Variants in CEP63 observed in about 807,000 individuals in gnomAD.
CEP63 encodes the protein centrosomal protein of 63 kDa.
In CEP63, 84 loss-of-function variants were observed where a neutral mutation model predicts 89.1. The observed-to-expected ratio is 0.94, with a 90% CI of 0.79 to 1.13. The LOEUF (loss-of-function observed/expected upper bound fraction) is 1.13. CEP63 is among the 50% of genes most tolerant of loss of function. The pLI is 0.00. For missense variants in CEP63, 838 were observed against 813.3 expected (o/e 1.03, Z -0.37); for synonymous variants, 267 against 272.5 (o/e 0.98, Z 0.20).
intron 3 of CEP63, among the ~76,000 whole-genome samples, chr3:134,514,162 CTG>C (rs1204723294): frequency 6.6e-6 from 1 of 151,932 alleles, no homozygotes; most frequent in Non-Finnish European, 1.5e-5. Context: ...GAATTAAAAA[CTG>C]TAAAAAAAAT....
At position 134,557,376 on chromosome 3, in the gene CEP63, GTTTTTT is replaced by G. The variant is rs199930556; in HGVS notation, c.1468-743_1468-738del. On this transcript the variant is annotated intron_variant, in intron 12 of 14. Transcript: ENST00000675561. ...CTTGACCAGCTTACTTTCATAATTT[GTTTTTT>G]TTTTTTTTTTTTTTTTTTTTTTACA... 6.6e-3 allele frequency among the ~76,000 whole-genome samples: 672 copies of G among 101,484 alleles called. 11 individuals are homozygous for G. The highest frequency in any genetic ancestry group is 0.03 in the African/African-American group (601 of 20,324). The allele number at this position is 101,484 out of a possible 152,430, so 66.6% of individuals were successfully genotyped here.
the CEP63 span, among the ~76,000 whole-genome samples, chr3:134,598,966 A>G: frequency 6.6e-6 from 1 of 152,322 alleles, no homozygotes; most frequent in East Asian, 1.9e-4. Context: ...GGCTTTCTCC[A>G]GCCCCTTGCC....
At chr3:134,648,165 T>C in the CEP63 span, among the ~76,000 whole-genome samples, 1 of 152,154 alleles carries the variant, frequency 6.6e-6, no homozygotes, top group Non-Finnish European at 1.5e-5. Flanking sequence ...TGCAATAAAA[T>C]TGAGATCCTG....
chr3:134,738,182 A>T, the CEP63 span, among the ~76,000 whole-genome samples: 2 of 151,964 alleles, frequency 1.3e-5, no homozygotes, highest in Non-Finnish European at 2.9e-5. Context: ...AATAGTCTCC[A>T]ATCTTGTCCA....
chr3:134,718,226 A>G, the CEP63 span, among the ~76,000 whole-genome samples: 1 of 152,214 alleles, frequency 6.6e-6, no homozygotes, highest in African/African-American at 2.4e-5. Context: ...GGAAGGAGAC[A>G]CATTCATTCT....
intron 1 of CEP63, among the ~76,000 whole-genome samples, chr3:134,489,401 G>A (rs1936876229): frequency 6.6e-6 from 1 of 152,090 alleles, no homozygotes; most frequent in Non-Finnish European, 1.5e-5. Flanking sequence ...TAATTTCATA[G>A]GTAATGCAGT....
chr3:134,495,817 A>C (rs922025304), intron 2 of CEP63, among the ~76,000 whole-genome samples: 1 of 152,240 alleles, frequency 6.6e-6, no homozygotes, highest in East Asian at 1.9e-4. Context: ...CATATGAATG[A>C]GAACATGAGA....
the CEP63 span, among the ~76,000 whole-genome samples, chr3:134,593,143 T>C: frequency 6.6e-6 from 1 of 152,134 alleles, no homozygotes. Flanking sequence ...AAAGACTGGG[T>C]GATTGCGTCT....
chr3:134,605,160 G>A, the CEP63 span, among the ~76,000 whole-genome samples: 6 of 151,982 alleles, frequency 3.9e-5, no homozygotes, highest in South Asian at 2.1e-4. Context: ...TTTCATCTTC[G>A]TCTGTCCTGG....
At chr3:134,707,111 A>G in the CEP63 span, among the ~76,000 whole-genome samples, 1 of 152,304 alleles carries the variant, frequency 6.6e-6, no homozygotes, top group African/African-American at 2.4e-5. Flanking sequence ...TACGGTCTCA[A>G]ATTCCACCAT....
intron 14 of CEP63, among the ~76,000 whole-genome samples, chr3:134,560,925 CA>C (rs1957240607): frequency 6.6e-6 from 1 of 152,104 alleles, no homozygotes; most frequent in African/African-American, 2.4e-5. Flanking sequence ...TCACTAGCCT[CA>C]AGGGTTTCAG....
downstream of CEP63, among the ~76,000 whole-genome samples, chr3:134,579,254 T>C (rs1424258845): frequency 6.6e-6 from 1 of 152,256 alleles, no homozygotes; most frequent in African/African-American, 2.4e-5. Context: ...TTATATGTTG[T>C]CCTTGGGGTA....
chr3:134,680,961 C>T, the CEP63 span, among the ~76,000 whole-genome samples: 1 of 152,226 alleles, frequency 6.6e-6, no homozygotes, highest in Non-Finnish European at 1.5e-5. Context: ...CCCAGAGGAG[C>T]TTTGCAGGAC....
chr3:134,537,020 A>C, intron 5 of CEP63, 135 bp from the exon 6 acceptor site: 1 of 712,754 alleles, frequency 1.4e-6, no homozygotes, highest in South Asian at 1.4e-5. Context: ...CTGAGTGAGT[A>C]ATGGGGCTCC....
In CEP63 at chr3:134,546,173, T is replaced by C. The variant is rs138175783; in HGVS notation, c.814T>C (p.Leu272=). The change falls in exon 8 of 15, where the codon TTG becomes CTG. Residue 272 remains leucine (L), a synonymous_variant. Coordinates refer to ENST00000675561, the MANE Select transcript of CEP63 (RefSeq NM_001353108.3). ...GGCTCTGCAGGAAGAAAAGAGAGAA[T>C]TGAAGGCAGCTCTTCAGTCTCAAGA... ...LEALQEEKRE[L]KAALQSQENL... 2 of 1,613,696 alleles carry C rather than the reference T, an allele frequency of 1.2e-6. No individual in the cohort carries two copies. Among genetic ancestry groups the C allele is most frequent in the Non-Finnish European group, 1.7e-6 (2 of 1,179,928 alleles).
the CEP63 span, chr3:134,608,811 G>T: frequency 2.5e-6 from 4 of 1,612,780 alleles, no homozygotes; most frequent in Non-Finnish European, 3.4e-6. Flanking sequence ...AACAGTGCAG[G>T]GTGGGTGAGG....
intron 6 of CEP63, among the ~76,000 whole-genome samples, chr3:134,538,277 G>A (rs1275905911): frequency 1.4e-5 from 2 of 140,784 alleles, no homozygotes; most frequent in Admixed American, 7.5e-5. Flanking sequence ...TCTCAATAAT[G>A]CATTAACTTT....
chr3:134,607,908 G>A, the CEP63 span: 9 of 991,816 alleles, frequency 9.1e-6, no homozygotes, highest in Non-Finnish European at 1.1e-5. Flanking sequence ...TCATCCAGGG[G>A]TGCCTGAGTT....
chr3:134,706,432 A>T, the CEP63 span, among the ~76,000 whole-genome samples: 1 of 152,122 alleles, frequency 6.6e-6, no homozygotes, highest in Admixed American at 6.5e-5. Context: ...CAGCTATGAG[A>T]TGCTAAGATG....
Sources: allele counts gnomAD v4.1 joint callset (sites outside exome capture counted in the v4.1 genomes callset), GRCh38; gene constraint gnomAD v4.1.1; transcripts MANE v1.5; gene names NCBI Gene and HGNC (gene_info 2026-07-23, HGNC 2026-07-21).